Variants in PTH2R observed in about 807,000 individuals in gnomAD.
PTH2R encodes the protein PTH2 receptor.
In PTH2R, 59 loss-of-function variants were observed where a neutral mutation model predicts 60.3. That is an observed-to-expected ratio of 0.98 (90% CI 0.79 to 1.22). The LOEUF is 1.22. PTH2R is among the 50% of genes most tolerant of loss of function. The probability of loss-of-function intolerance (pLI) is 0.00; values close to 1 mark genes in which losing one functional copy is unlikely to be tolerated. For synonymous variants in PTH2R, 256 were observed against 243.8 expected (o/e 1.05, Z -0.47); for missense variants, 749 against 682.6 (o/e 1.10, Z -1.08).
Position 208,493,961 on chromosome 2 carries a change from C to T in PTH2R, c.*302C>T, listed in dbSNP as rs1178708202. ...TTTGGGTAGAAAAAAGATTCAATTG[C>T]TTGGCTGTAGCTTTCTCTCATATAT... On this transcript the variant is annotated 3_prime_UTR_variant, in exon 13 of 13. Coordinates refer to ENST00000272847, the MANE Select transcript of PTH2R (RefSeq NM_005048.4). The T allele has an allele frequency of 1.3e-5, 3 of 238,854 alleles. No homozygotes were observed. The highest frequency in any genetic ancestry group is 5.2e-5 in the Admixed American group (1 of 19,098). 14.8% of individuals were successfully genotyped at this position (238,854 alleles called of 1,614,324 possible).
intron 8 of PTH2R, 23 bp downstream of exon 8, chr2:208,450,832 C>T (rs199771001): frequency 4.1e-5 from 66 of 1,610,802 alleles, no homozygotes; most frequent in South Asian, 3.2e-4. Context: ...GCAGGGGAAA[C>T]GAGAGAACCT....
At chr2:208,465,650 G>C (rs1441457002) in intron 9 of PTH2R, among the ~76,000 whole-genome samples, 1 of 151,850 alleles carries the variant, frequency 6.6e-6, no homozygotes, top group Non-Finnish European at 1.5e-5. Flanking sequence ...TGATCCGCCC[G>C]CCTCGGCCTC....
At chr2:208,459,658 T>A (rs1265158404) in intron 8 of PTH2R, among the ~76,000 whole-genome samples, 3 of 152,130 alleles carry the variant, frequency 2.0e-5, no homozygotes, top group Admixed American at 2.0e-4. Flanking sequence ...TAAAAGTAAT[T>A]CACTAATATT....
intron 7 of PTH2R, among the ~76,000 whole-genome samples, chr2:208,445,860 C>T (rs1415842532): frequency 6.6e-6 from 1 of 152,108 alleles, no homozygotes. Context: ...ATGAAATAAT[C>T]ATCACAATTA....
Position 208,437,630 on chromosome 2 carries a change from A to G in PTH2R, c.272A>G (p.Tyr91Cys), listed in dbSNP as rs759373744. 106 of 1,612,630 alleles carry G rather than the reference A, an allele frequency of 6.6e-5. 1 individual carries two copies. The Admixed American group carries it at 1.7e-3, about 26-fold the overall frequency. The change falls in exon 3 of 13, where the codon TAT becomes TGT. Residue 91 changes from tyrosine to cysteine, a missense_variant. Coordinates refer to ENST00000272847, the MANE Select transcript of PTH2R (RefSeq NM_005048.4). ...GCTGTTCCATGCCCTCCTTATATTT[A>G]TGACTTCAACCATAAAGGTATTGAA... is the stretch of plus-strand genomic sequence containing the variant. ...ISAVPCPPYI[Y>C]DFNHKGVAFR...
intron 4 of PTH2R, 105 bp downstream of exon 4, chr2:208,437,986 G>A (rs940593034): frequency 2.9e-6 from 4 of 1,370,990 alleles, no homozygotes; most frequent in African/African-American, 2.9e-5. Context: ...CTTATTCCAC[G>A]ACACAAGGAT....
chr2:208,389,333 C>A (rs1251001240), intron 1 of PTH2R, among the ~76,000 whole-genome samples: 2 of 151,426 alleles, frequency 1.3e-5, no homozygotes, highest in African/African-American at 4.9e-5. Flanking sequence ...CTTTATATAT[C>A]ATTTCATTAA....
At chr2:208,457,217 T>G (rs562591538) in intron 8 of PTH2R, among the ~76,000 whole-genome samples, 1 of 152,342 alleles carries the variant, frequency 6.6e-6, no homozygotes, top group South Asian at 2.1e-4. Flanking sequence ...TAGAAAGCTT[T>G]TTTAGGGTAA....
chr2:208,430,315 A>G (rs919977195), intron 2 of PTH2R, among the ~76,000 whole-genome samples: 1 of 152,034 alleles, frequency 6.6e-6, no homozygotes, highest in Non-Finnish European at 1.5e-5. Context: ...TATATTTTTG[A>G]ATCTTTATGT....
intron 1 of PTH2R, among the ~76,000 whole-genome samples, chr2:208,391,560 T>C (rs1459166791): frequency 6.6e-6 from 1 of 152,194 alleles, no homozygotes; most frequent in Non-Finnish European, 1.5e-5. Context: ...AAAGGCCTTT[T>C]GAACTTCAGG....
At chr2:208,369,501 G>A (rs868841610) in intron 1 of PTH2R, among the ~76,000 whole-genome samples, 5 of 151,792 alleles carry the variant, frequency 3.3e-5, no homozygotes, top group Non-Finnish European at 5.9e-5. Context: ...GAGTAGCTGG[G>A]AGTACAGGTG....
chr2:208,457,889 G>T (rs757238185), intron 8 of PTH2R, among the ~76,000 whole-genome samples: 24 of 152,048 alleles, frequency 1.6e-4, no homozygotes, highest in African/African-American at 2.4e-4. Context: ...TCTATAGCTT[G>T]CTCATTAATA....
intron 1 of PTH2R, among the ~76,000 whole-genome samples, chr2:208,364,330 A>G (rs559771630): frequency 6.6e-6 from 1 of 152,112 alleles, no homozygotes; most frequent in South Asian, 2.1e-4. Flanking sequence ...ATTTTTTTCT[A>G]TGTTTTCTTC....
chr2:208,457,176 A>C (rs1702531691), intron 8 of PTH2R, among the ~76,000 whole-genome samples: 1 of 152,266 alleles, frequency 6.6e-6, no homozygotes, highest in Non-Finnish European at 1.5e-5. Flanking sequence ...TTCAATTTAC[A>C]GTCACATGAT....
intron 10 of PTH2R, among the ~76,000 whole-genome samples, chr2:208,486,933 C>T (rs1453902878): frequency 1.3e-5 from 2 of 152,086 alleles, no homozygotes; most frequent in African/African-American, 4.8e-5. Flanking sequence ...AGGAGAAAGC[C>T]CGTAGGCTGC....
chr2:208,408,467 T>C (rs1035965867), intron 1 of PTH2R, among the ~76,000 whole-genome samples: 6 of 152,066 alleles, frequency 3.9e-5, no homozygotes. Context: ...ACTCTAACCG[T>C]TTATTTTATT....
At chr2:208,438,434 G>A (rs1330704012) in intron 4 of PTH2R, among the ~76,000 whole-genome samples, 1 of 152,178 alleles carries the variant, frequency 6.6e-6, no homozygotes, top group Admixed American at 6.5e-5. Context: ...CTGAGAACCC[G>A]AGATTAGGTG....
intron 2 of PTH2R, among the ~76,000 whole-genome samples, chr2:208,434,391 A>C (rs1384252978): frequency 2.6e-5 from 4 of 152,192 alleles, no homozygotes; most frequent in Non-Finnish European, 4.4e-5. Flanking sequence ...TCTTTGTCAA[A>C]GAGCAACCAA....
chr2:208,370,841 T>A (rs1184851769), intron 1 of PTH2R, among the ~76,000 whole-genome samples: 1 of 152,054 alleles, frequency 6.6e-6, no homozygotes, highest in Non-Finnish European at 1.5e-5. Context: ...GAAAAGAGGC[T>A]TAATTGGCTC....
Sources: gnomAD v4.1 joint callset for allele counts (sites outside exome capture counted in the v4.1 genomes callset) on GRCh38, gnomAD v4.1.1 for gene constraint, MANE v1.5 for transcripts, NCBI Gene and HGNC (gene_info 2026-07-23, HGNC 2026-07-21) for gene names.